Variants in C12orf54 observed in about 807,000 individuals in gnomAD.
C12orf54 encodes the protein chromosome 12 open reading frame 54, also known as uncharacterized protein C12orf54.
Under a neutral mutation model 26.4 loss-of-function variants are expected in C12orf54, and 24 were observed. The observed-to-expected ratio is 0.91, with a 90% CI of 0.66 to 1.28. The LOEUF is 1.28. C12orf54 is among the 50% of genes most tolerant of loss of function. The pLI, the probability that C12orf54 is intolerant of heterozygous loss-of-function variation, is 0.00. For missense variants in C12orf54, 154 were observed against 150.9 expected, an observed-to-expected ratio of 1.02 and a Z score of -0.11; for synonymous variants, 54 against 47.0, an observed-to-expected ratio of 1.15 and a Z score of -0.61.
At chr12:48,493,349 G>A (rs568521661) in intron 7 of C12orf54, among the ~76,000 whole-genome samples, 21 of 152,246 alleles carry the variant, frequency 1.4e-4, no homozygotes, top group African/African-American at 3.1e-4. Context: ...AATCAAGGAC[G>A]TAGGCTGGGT....
At chr12:48,426,939 A>G in the C12orf54 span, among the ~76,000 whole-genome samples, 1 of 151,932 alleles carries the variant, frequency 6.6e-6, no homozygotes, top group Non-Finnish European at 1.5e-5. Context: ...TGTGTCCTAA[A>G]GCTTCACTAA....
chr12:48,466,773 A>T, the C12orf54 span, among the ~76,000 whole-genome samples: 1 of 152,156 alleles, frequency 6.6e-6, no homozygotes, highest in Non-Finnish European at 1.5e-5. Context: ...ACAGTTTGAC[A>T]GTATATTAAT....
At chr12:48,434,357 G>T in the C12orf54 span, among the ~76,000 whole-genome samples, 1 of 152,200 alleles carries the variant, frequency 6.6e-6, no homozygotes, top group Non-Finnish European at 1.5e-5. Flanking sequence ...ACAAACAAAA[G>T]ACAGCAATAA....
At chr12:48,453,849 G>A in the C12orf54 span, among the ~76,000 whole-genome samples, 3 of 151,114 alleles carry the variant, frequency 2.0e-5, no homozygotes, top group East Asian at 3.9e-4. Flanking sequence ...ACATGTAATC[G>A]TTCACAGCTC....
the C12orf54 span, among the ~76,000 whole-genome samples, chr12:48,474,500 AG>A: frequency 6.6e-6 from 1 of 152,212 alleles, no homozygotes; most frequent in Admixed American, 6.5e-5. Flanking sequence ...AGTCCAAGAA[AG>A]GGGTGACAGA....
intron 8 of C12orf54, chr12:48,495,476 T>C (rs1413341782): frequency 6.5e-6 from 1 of 152,782 alleles, no homozygotes; most frequent in Non-Finnish European, 1.5e-5. Context: ...CCTAAAGTAC[T>C]TGAGTATGCT....
intron 5 of C12orf54, among the ~76,000 whole-genome samples, chr12:48,490,051 C>A (rs772409476): frequency 6.6e-6 from 1 of 152,068 alleles, no homozygotes; most frequent in East Asian, 1.9e-4. Flanking sequence ...ATCCTTTACA[C>A]GTACTTAAAG....
the C12orf54 span, among the ~76,000 whole-genome samples, chr12:48,430,180 A>T: frequency 3.3e-5 from 5 of 152,236 alleles, no homozygotes; most frequent in African/African-American, 1.2e-4. Flanking sequence ...ATTAAACCTA[A>T]GGCATGAAAC....
the C12orf54 span, among the ~76,000 whole-genome samples, chr12:48,475,745 G>A: frequency 6.6e-6 from 1 of 152,344 alleles, no homozygotes. Flanking sequence ...ATGGGACTAT[G>A]TGAAAAGACG....
At chr12:48,444,725 T>C in the C12orf54 span, among the ~76,000 whole-genome samples, 1 of 152,236 alleles carries the variant, frequency 6.6e-6, no homozygotes. Flanking sequence ...CTGAGAATGC[T>C]ACCACTATGG....
At chr12:48,472,824 C>T in the C12orf54 span, 416 of 1,614,118 alleles carry the variant, frequency 2.6e-4, 1 homozygote, top group African/African-American at 4.9e-3. Flanking sequence ...CAACATAGGC[C>T]TCACCTCAAT....
chr12:48,486,620 T>A (rs927710446), intron 3 of C12orf54, 68 bp from the exon 4 acceptor site: 104 of 1,487,158 alleles, frequency 7.0e-5, no homozygotes, highest in Non-Finnish European at 9.4e-5. Flanking sequence ...ACCAGTTTCA[T>A]AATGTGTCAC....
At chr12:48,476,810 C>A in the C12orf54 span, among the ~76,000 whole-genome samples, 3 of 152,240 alleles carry the variant, frequency 2.0e-5, no homozygotes, top group East Asian at 5.8e-4. Flanking sequence ...GATGGTAACA[C>A]CCCACTGTCA....
chr12:48,456,983 A>C, the C12orf54 span, among the ~76,000 whole-genome samples: 1 of 152,052 alleles, frequency 6.6e-6, no homozygotes, highest in African/African-American at 2.4e-5. Context: ...TTTAGATGTG[A>C]TCCTACTGTT....
the C12orf54 span, among the ~76,000 whole-genome samples, chr12:48,416,211 G>A: frequency 1.3e-5 from 2 of 152,142 alleles, no homozygotes; most frequent in Admixed American, 1.3e-4. Context: ...GCTCCATAGA[G>A]AAGCCAGAGT....
chr12:48,488,204 G>A (rs1592201381), intron 4 of C12orf54: 1 of 701,842 alleles, frequency 1.4e-6, no homozygotes, highest in Non-Finnish European at 2.7e-6. Context: ...ATTGGCCCCT[G>A]GAGTCTGTGC....
the C12orf54 span, among the ~76,000 whole-genome samples, chr12:48,470,410 C>T: frequency 5.3e-5 from 8 of 152,264 alleles, no homozygotes; most frequent in Admixed American, 3.3e-4. Context: ...GATGGTATCT[C>T]ATTGTGATTT....
chr12:48,464,167 T>C, the C12orf54 span, among the ~76,000 whole-genome samples: 2 of 152,070 alleles, frequency 1.3e-5, no homozygotes, highest in Admixed American at 6.6e-5. Flanking sequence ...TAATCCTATA[T>C]TTAGAAAACC....
At chr12:48,426,485 A>G in the C12orf54 span, among the ~76,000 whole-genome samples, 2 of 152,192 alleles carry the variant, frequency 1.3e-5, no homozygotes, top group South Asian at 4.2e-4. Flanking sequence ...TGGTTACTGT[A>G]GCCCTGTAGT....
Sources: gnomAD v4.1 joint callset for allele counts (sites outside exome capture counted in the v4.1 genomes callset) on GRCh38, gnomAD v4.1.1 for gene constraint, MANE v1.5 for transcripts, NCBI Gene and HGNC (gene_info 2026-07-23, HGNC 2026-07-21) for gene names.